The following SLC38A4 variants were observed in gnomAD, a reference collection of about 807,000 sequenced individuals.
The protein encoded by SLC38A4 is solute carrier family 38 member 4.
A neutral mutation model predicts 63.1 loss-of-function variants in SLC38A4; 20 were observed. The ratio of observed to expected loss-of-function variants is 0.32; its 90% CI spans 0.22 to 0.46. SLC38A4 has a LOEUF of 0.46. Ranked by LOEUF, SLC38A4 falls within the 20% of genes least tolerant of loss-of-function variation. The probability of loss-of-function intolerance (pLI) is 1.00; values close to 1 mark genes in which losing one functional copy is unlikely to be tolerated. For missense variants in SLC38A4, 526 were observed against 663.6 expected, an observed-to-expected ratio of 0.79 and a Z score of 2.28; for synonymous variants, 230 against 225.5, an observed-to-expected ratio of 1.02 and a Z score of -0.18.
intron 2 of SLC38A4, among the ~76,000 whole-genome samples, chr12:46,800,396 T>C (rs1008834064): frequency 2.6e-5 from 4 of 152,142 alleles, no homozygotes; most frequent in Non-Finnish European, 4.4e-5. Flanking sequence ...AGTCTCATAC[T>C]GAAGCCGATC....
Position 46,784,590 on chromosome 12 carries a change from G to A in SLC38A4, c.445C>T (p.Pro149Ser). The A allele has an allele frequency of 6.2e-7, 1 of 1,612,758 alleles. No homozygotes were observed. The highest frequency in any genetic ancestry group is 8.5e-7 in the Non-Finnish European group (1 of 1,179,322). Reference sequence around the variant, plus strand: ...GAAACAAAAGCTCCAATTTTTCCCGGCCATCCAAATGCCTTTTCTCCTAAT... The same window carrying A: ...GAAACAAAAGCTCCAATTTTTCCCGACCATCCAAATGCCTTTTCTCCTAAT... ...EKLGEKAFGW[P>S]GKIGAFVSIT... Residue 149 changes from proline (P) to serine (S), a missense_variant, in exon 7 of 17, where the codon CCG (proline) becomes TCG (serine). Physicochemically the swap from Pro to Ser is moderately conservative, Grantham distance 74. Coordinates refer to ENST00000266579, the MANE Select transcript of SLC38A4 (RefSeq NM_018018.5).
chr12:46,817,056 T>C (rs2120909397), intron 1 of SLC38A4, among the ~76,000 whole-genome samples: 1 of 151,952 alleles, frequency 6.6e-6, no homozygotes, highest in South Asian at 2.1e-4. Flanking sequence ...ATATGGTTTA[T>C]GCAGTTGGGG....
At position 46,807,076 on chromosome 12, in the gene SLC38A4, A is replaced by G. The variant is rs534078346; in HGVS notation, c.-304-3282T>C. Among the ~76,000 whole-genome samples the G allele has an allele frequency of 5.9e-5, 9 of 152,164 alleles. No individual in the cohort carries two copies. In the East Asian group the frequency reaches 9.7e-4, roughly 16 times the overall value. The stretch of plus-strand genomic sequence containing the variant: ...AAACTGTTGTTCTCGTCATGACTAT[A>G]CCTAAATTTCTAATTTTAGTCATAG... On this transcript the variant is annotated intron_variant, in intron 1 of 16. Transcript: ENST00000266579.
chr12:46,782,782 A>G (rs919065997), intron 7 of SLC38A4, among the ~76,000 whole-genome samples: 1 of 151,162 alleles, frequency 6.6e-6, no homozygotes, highest in Non-Finnish European at 1.5e-5. Context: ...TAATTTTTAT[A>G]CATGAAAAAA....
At chr12:46,819,815 T>G in intron 1 of SLC38A4, among the ~76,000 whole-genome samples, 1 of 151,976 alleles carries the variant, frequency 6.6e-6, no homozygotes. Context: ...TACACATAGT[T>G]TTCTTGATAG....
intron 16 of SLC38A4, 109 bp from the exon 17 acceptor site, chr12:46,766,911 ATTCT>A: frequency 1.5e-6 from 1 of 683,794 alleles, no homozygotes; most frequent in Non-Finnish European, 2.5e-6. Context: ...GAGCCATATT[ATTCT>A]TAATATCTCA....
intron 1 of SLC38A4, among the ~76,000 whole-genome samples, chr12:46,822,852 T>C (rs896521862): frequency 1.3e-5 from 2 of 152,212 alleles, no homozygotes; most frequent in Non-Finnish European, 2.9e-5. Context: ...GGAATTTTGG[T>C]ATAAAGAATA....
intron 1 of SLC38A4, among the ~76,000 whole-genome samples, chr12:46,821,627 T>C (rs1165680254): frequency 6.6e-6 from 1 of 152,176 alleles, no homozygotes; most frequent in African/African-American, 2.4e-5. Context: ...TCAGGAAGTA[T>C]GATGGCTCCA....
chr12:46,776,878 A>G (rs1480368378), intron 13 of SLC38A4, 26 bp downstream of exon 13: 2 of 1,597,708 alleles, frequency 1.3e-6, no homozygotes, highest in Non-Finnish European at 1.7e-6. Flanking sequence ...ATTTGCATAT[A>G]GAGAATGACT....
chr12:46,767,283 A>G (rs1938321319), intron 16 of SLC38A4, among the ~76,000 whole-genome samples: 1 of 152,018 alleles, frequency 6.6e-6, no homozygotes, highest in South Asian at 2.1e-4. Context: ...ACACACATAT[A>G]TAAGGATATA....
intron 1 of SLC38A4, among the ~76,000 whole-genome samples, chr12:46,804,266 G>C (rs1229234212): frequency 1.3e-5 from 2 of 151,818 alleles, no homozygotes; most frequent in East Asian, 3.9e-4. Flanking sequence ...AGTGTGCTGA[G>C]TAGGCAAAAG....
At chr12:46,789,002 A>G (rs1938824729) in intron 3 of SLC38A4, among the ~76,000 whole-genome samples, 1 of 152,150 alleles carries the variant, frequency 6.6e-6, no homozygotes, top group African/African-American at 2.4e-5. Flanking sequence ...CCATAATCAG[A>G]TGATTTTATT....
At chr12:46,779,253 G>C (rs1045867105) in intron 10 of SLC38A4, among the ~76,000 whole-genome samples, 1 of 151,912 alleles carries the variant, frequency 6.6e-6, no homozygotes, top group Non-Finnish European at 1.5e-5. Context: ...ATGTGTAAGA[G>C]AGAATGGCTG....
intron 1 of SLC38A4, among the ~76,000 whole-genome samples, chr12:46,815,331 A>G (rs1335249810): frequency 6.7e-6 from 1 of 148,998 alleles, no homozygotes; most frequent in Non-Finnish European, 1.5e-5. Context: ...TATGAATCAT[A>G]TTGAGATGGC....
At chr12:46,813,515 TAAGTC>T (rs1939379799) in intron 1 of SLC38A4, among the ~76,000 whole-genome samples, 1 of 151,982 alleles carries the variant, frequency 6.6e-6, no homozygotes, top group Non-Finnish European at 1.5e-5. Flanking sequence ...AGACCTTAGA[TAAGTC>T]AAGTTAACCC....
intron 1 of SLC38A4, among the ~76,000 whole-genome samples, chr12:46,815,698 A>C (rs1457521967): frequency 6.6e-6 from 1 of 151,908 alleles, no homozygotes; most frequent in Non-Finnish European, 1.5e-5. Context: ...ATCAAATATT[A>C]AATAACTAAA....
At chr12:46,771,008 C>A (rs1158316758) in intron 14 of SLC38A4, among the ~76,000 whole-genome samples, 1 of 152,104 alleles carries the variant, frequency 6.6e-6, no homozygotes, top group African/African-American at 2.4e-5. Context: ...TTAAGGCCAT[C>A]TGTTTAGGCT....
intron 1 of SLC38A4, among the ~76,000 whole-genome samples, chr12:46,822,873 T>C (rs907400081): frequency 2.6e-5 from 4 of 152,208 alleles, no homozygotes; most frequent in African/African-American, 9.6e-5. Context: ...ATGGAAAGCA[T>C]TATATTTGGT....
intron 1 of SLC38A4, among the ~76,000 whole-genome samples, chr12:46,819,615 A>G (rs1939502959): frequency 6.6e-6 from 1 of 151,912 alleles, no homozygotes; most frequent in African/African-American, 2.4e-5. Context: ...CTTGGAAATA[A>G]TTTAGTAATG....
Sources: gnomAD v4.1 joint callset for allele counts (sites outside exome capture counted in the v4.1 genomes callset) on GRCh38, gnomAD v4.1.1 for gene constraint, MANE v1.5 for transcripts, NCBI Gene and HGNC (gene_info 2026-07-23, HGNC 2026-07-21) for gene names.